The following TANC2 variants were observed in gnomAD, a reference collection of about 807,000 sequenced individuals.
The protein encoded by TANC2 is protein TANC2.
TANC2 carries 26 observed loss-of-function variants against 210.5 expected under a neutral mutation model. That is an observed-to-expected ratio of 0.12 (90% CI 0.09 to 0.17). The LOEUF (loss-of-function observed/expected upper bound fraction) is 0.17, where lower values mean the gene tolerates loss of function less well. TANC2 is among the 10% of genes least tolerant of loss of function. TANC2 has a pLI of 1.00. For missense variants in TANC2, 2,129 were observed against 2,608.9 expected (o/e 0.82, Z 4.01); for synonymous variants, 931 against 967.1 (o/e 0.96, Z 0.69).
chr17:63,220,952 G>A (rs534398023), intron 7 of TANC2, among the ~76,000 whole-genome samples: 1 of 151,486 alleles, frequency 6.6e-6, no homozygotes, highest in African/African-American at 2.4e-5. Context: ...AAAATTCAAC[G>A]TGGATCATAG....
At chr17:63,191,340 A>G (rs1450085866) in intron 5 of TANC2, among the ~76,000 whole-genome samples, 2 of 150,420 alleles carry the variant, frequency 1.3e-5, no homozygotes, top group Non-Finnish European at 3.0e-5. Flanking sequence ...TAATGGTGCC[A>G]TAATGGCAAA....
chr17:63,267,002 A>G (rs755111117), intron 8 of TANC2, among the ~76,000 whole-genome samples: 28 of 151,914 alleles, frequency 1.8e-4, no homozygotes, highest in Non-Finnish European at 2.8e-4. Context: ...GGCGCACACC[A>G]CCACGCCTGG....
chr17:63,181,328 A>G (rs1291708617), intron 5 of TANC2, among the ~76,000 whole-genome samples: 1 of 152,186 alleles, frequency 6.6e-6, no homozygotes, highest in Non-Finnish European at 1.5e-5. Context: ...AGCTCCCTGT[A>G]GGTTCAGTTG....
intron 4 of TANC2, among the ~76,000 whole-genome samples, chr17:63,117,548 G>A (rs1299018987): frequency 6.6e-6 from 1 of 152,186 alleles, no homozygotes; most frequent in Non-Finnish European, 1.5e-5. Flanking sequence ...AGCATCTCTT[G>A]TGCTTTGGGA....
intron 9 of TANC2, chr17:63,313,580 A>T (rs1417845582): frequency 6.6e-6 from 1 of 152,200 alleles, no homozygotes; most frequent in Admixed American, 6.5e-5. Flanking sequence ...CCCAAGAGAG[A>T]TGTATAAGCC....
At chr17:63,205,160 G>A (rs2041659124) in intron 7 of TANC2, among the ~76,000 whole-genome samples, 1 of 151,828 alleles carries the variant, frequency 6.6e-6, no homozygotes, top group East Asian at 1.9e-4. Flanking sequence ...TTTTTGACAA[G>A]CGTCCTAAGA....
chr17:63,135,986 G>C (rs2039077585), intron 4 of TANC2, among the ~76,000 whole-genome samples: 1 of 152,114 alleles, frequency 6.6e-6, no homozygotes, highest in Admixed American at 6.5e-5. Flanking sequence ...AATAAAATAG[G>C]TAATTGAAAT....
intron 2 of TANC2, among the ~76,000 whole-genome samples, chr17:63,027,262 G>A (rs913558713): frequency 6.0e-4 from 92 of 152,092 alleles, no homozygotes; most frequent in African/African-American, 2.1e-3. Context: ...GTGTATATCA[G>A]TATGCCACTT....
At chr17:63,145,909 A>G (rs1416190927) in intron 4 of TANC2, among the ~76,000 whole-genome samples, 1 of 151,836 alleles carries the variant, frequency 6.6e-6, no homozygotes, top group Non-Finnish European at 1.5e-5. Flanking sequence ...GAATTTTAAG[A>G]TGGATGTTTC....
chr17:63,360,582 T>C (rs574909492), intron 14 of TANC2, among the ~76,000 whole-genome samples: 1 of 152,326 alleles, frequency 6.6e-6, no homozygotes, highest in Admixed American at 6.5e-5. Flanking sequence ...TGTGTAATAA[T>C]CACATCAGGG....
At chr17:63,303,076 A>G (rs1255254791) in intron 9 of TANC2, among the ~76,000 whole-genome samples, 1 of 152,042 alleles carries the variant, frequency 6.6e-6, no homozygotes. Flanking sequence ...GTGTCTTTTA[A>G]TTGGGGCATT....
intron 1 of TANC2, among the ~76,000 whole-genome samples, chr17:62,983,261 A>G (rs755894330): frequency 3.3e-5 from 5 of 152,004 alleles, no homozygotes; most frequent in Non-Finnish European, 7.4e-5. Context: ...TTGTTTGTGT[A>G]TAGAGTACTA....
At chr17:63,001,425 A>C (rs961415108) in intron 1 of TANC2, among the ~76,000 whole-genome samples, 1 of 152,058 alleles carries the variant, frequency 6.6e-6, no homozygotes, top group Non-Finnish European at 1.5e-5. Flanking sequence ...GTCTTTGCTC[A>C]GTTTATTTAC....
rs377229653 is a variant in TANC2 at position 63,345,360 on chromosome 17, C to G, written c.1807+5028C>G. Among the ~76,000 whole-genome samples, 71 of 152,258 alleles carry G rather than the reference C, an allele frequency of 4.7e-4. No homozygotes were observed. The East Asian group carries it at 0.011, about 24-fold the overall frequency. Reference sequence around the variant, plus strand: ...CCTGGCTGGTTGCAGTGGCTCACGCCTGTAATCCCAACACTTTGGGAGGCC... The same window carrying G: ...CCTGGCTGGTTGCAGTGGCTCACGCGTGTAATCCCAACACTTTGGGAGGCC... On this transcript the variant is annotated intron_variant, in intron 12 of 27. Transcript: ENST00000689528.
exon 14 of TANC2, chr17:63,354,961 C>T (rs1353310697): frequency 6.2e-7 from 1 of 1,613,872 alleles, no homozygotes; most frequent in Non-Finnish European, 8.5e-7. Flanking sequence ...AAACTCAGTT[C>T]TCATCTCAAG....
intron 1 of TANC2, among the ~76,000 whole-genome samples, chr17:62,999,883 C>T (rs2033292217): frequency 6.6e-6 from 1 of 152,158 alleles, no homozygotes; most frequent in South Asian, 2.1e-4. Flanking sequence ...TATATATGCA[C>T]CATGTAATAC....
chr17:63,196,683 C>A (rs189258470), intron 6 of TANC2, among the ~76,000 whole-genome samples: 47 of 152,324 alleles, frequency 3.1e-4, no homozygotes, highest in Admixed American at 3.1e-3. Context: ...AGTTCCAACT[C>A]TGCCACCTAC....
intron 1 of TANC2, among the ~76,000 whole-genome samples, chr17:62,987,611 G>C (rs1166878363): frequency 6.6e-6 from 1 of 152,178 alleles, no homozygotes; most frequent in Non-Finnish European, 1.5e-5. Context: ...AGTCTTTCCT[G>C]ACTCCAGGCA....
At chr17:63,306,909 G>T (rs1598819368) in intron 9 of TANC2, among the ~76,000 whole-genome samples, 1 of 152,266 alleles carries the variant, frequency 6.6e-6, no homozygotes, top group East Asian at 1.9e-4. Context: ...AGCTATGATT[G>T]CCTCTCCAGC....
Sources: gnomAD v4.1 joint callset for allele counts (sites outside exome capture counted in the v4.1 genomes callset) on GRCh38, gnomAD v4.1.1 for gene constraint, MANE v1.5 for transcripts, NCBI Gene and HGNC (gene_info 2026-07-23, HGNC 2026-07-21) for gene names.